PSCA: variants seen among roughly 807,000 people sequenced by gnomAD.
The protein encoded by PSCA is prostate stem cell antigen.
A neutral mutation model predicts 7.9 loss-of-function variants in PSCA; 7 were observed. The ratio of observed to expected loss-of-function variants is 0.89; its 90% CI spans 0.51 to 1.67. PSCA has a LOEUF of 1.67. PSCA is among the 40% of genes most tolerant of loss of function. The probability of loss-of-function intolerance (pLI) is 0.00; values close to 1 mark genes in which losing one functional copy is unlikely to be tolerated. For synonymous variants in PSCA, 61 were observed against 68.3 expected (o/e 0.89, Z 0.53); for missense variants, 151 against 147.9 (o/e 1.02, Z -0.11).
Position 142,673,352 on chromosome 8 carries a change from C to A in PSCA, n.261+2784C>A, listed in dbSNP as rs1847357482. 6.6e-6 allele frequency among the ~76,000 whole-genome samples: 1 copy of A among 152,146 alleles called. No homozygotes were observed. Among genetic ancestry groups the A allele is most frequent in the Non-Finnish European group, 1.5e-5 (1 of 68,040 alleles). ...GGGCCTCATCCCAAGATGCATGGGG[C>A]TCCTCCAGGTGCTCCTACCATTACT... On this transcript the variant is annotated intron_variant and non_coding_transcript_variant, in intron 1 of 1. Transcript: ENST00000505305. The surrounding 1 kb of genome is among the most constrained non-coding windows in gnomAD (Gnocchi z 4.6).
chr8:142,678,170 T>G (rs1847420052), upstream of PSCA, among the ~76,000 whole-genome samples: 1 of 152,090 alleles, frequency 6.6e-6, no homozygotes, highest in Admixed American at 6.5e-5. Context: ...TCCCCGAGAC[T>G]TTTCCTGACT....
upstream of PSCA, among the ~76,000 whole-genome samples, chr8:142,677,612 GC>G (rs1179364058): frequency 2.0e-5 from 3 of 152,292 alleles, no homozygotes; most frequent in Admixed American, 6.5e-5. Flanking sequence ...GCGAGCTGGG[GC>G]GGGGGGCGGA....
chr8:142,682,372 A>G lies in PSCA; in HGVS notation c.*240A>G, dbSNP rs1226312068. 5.7e-6 allele frequency: 4 copies of G among 698,420 alleles called. No homozygotes were observed. Among genetic ancestry groups the G allele is most frequent in the Admixed American group, 2.0e-5 (1 of 49,774 alleles). The allele number at this position is 698,420 out of a possible 1,614,324, so 43.3% of individuals were successfully genotyped here. A position where few individuals can be genotyped will look rare whatever the true frequency, so the allele number is the denominator to read the frequency against. Reference sequence around the variant, plus strand: ...GATCCGCCTGCAGATGGCCCCTCCAACCCTCTCTGCTGCTGTTTCCATGGC... The same window carrying G: ...GATCCGCCTGCAGATGGCCCCTCCAGCCCTCTCTGCTGCTGTTTCCATGGC... On this transcript the variant is annotated 3_prime_UTR_variant, in exon 3 of 3. Transcript: ENST00000301258.
chr8:142,672,368 C>T (rs1265434332), intron 1 of PSCA, among the ~76,000 whole-genome samples: 1 of 152,190 alleles, frequency 6.6e-6, no homozygotes, highest in Non-Finnish European at 1.5e-5. Context: ...TCAAAAACCG[C>T]CCAAAACTTA....
At chr8:142,676,882 C>G (rs1366895336), upstream of PSCA, among the ~76,000 whole-genome samples, 1 of 152,230 alleles carries the variant, frequency 6.6e-6, no homozygotes, top group Non-Finnish European at 1.5e-5. Context: ...GAAGCCATGC[C>G]CCTTGTGGCA....
chr8:142,674,912 G>C (rs988466765), intron 1 of PSCA, among the ~76,000 whole-genome samples: 5 of 152,216 alleles, frequency 3.3e-5, no homozygotes, highest in African/African-American at 1.2e-4. Context: ...TCAGGTCCTC[G>C]CTGGGCCACA....
chr8:142,681,608 C>T, intron 2 of PSCA, 174 bp downstream of exon 2: 1 of 651,844 alleles, frequency 1.5e-6, no homozygotes, highest in African/African-American at 1.8e-5. Context: ...CCTCCTCCAT[C>T]TGCCACTCCT....
rs149409958 is a variant in PSCA, at chr8:142,673,831, G to A, written n.261+3263G>A. Among the ~76,000 whole-genome samples the A allele has an allele frequency of 1.3e-5, 2 of 152,358 alleles. No homozygotes were observed. The highest frequency in any genetic ancestry group is 2.9e-5 in the Non-Finnish European group (2 of 68,038). The stretch of plus-strand genomic sequence containing the variant: ...ACGACATCTCACAAGGCCAATCTTA[G>A]GATCACAATAGTGATGTTACTTGCA... On this transcript the variant is annotated intron_variant and non_coding_transcript_variant, in intron 1 of 1. Transcript: ENST00000505305. This position sits in a 1 kb window ranked among gnomAD's most constrained non-coding sequence, Gnocchi z 4.6.
chr8:142,681,849 G>C (rs1317492312), intron 2 of PSCA, 72 bp from the exon 3 acceptor site: 44 of 1,125,504 alleles, frequency 3.9e-5, no homozygotes, highest in Middle Eastern at 2.1e-4. Context: ...GGTGGGACAG[G>C]AGGAGGCCTG....
In PSCA at chr8:142,682,333, G is replaced by A. The variant is rs1554638540; in HGVS notation, c.*201G>A. 4.1e-6 allele frequency: 3 copies of A among 725,518 alleles called. No individual in the cohort carries two copies. The Admixed American group carries it at 6.0e-5, about 15-fold the overall frequency. 44.9% of individuals were successfully genotyped at this position (725,518 alleles called of 1,614,324 possible). Reference sequence around the variant, plus strand: ...TCCAGGACTCCCACCCGGCAGATCGGCTCTATTGACACAGATCCGCCTGCA... The same window carrying A: ...TCCAGGACTCCCACCCGGCAGATCGACTCTATTGACACAGATCCGCCTGCA... On this transcript the variant is annotated 3_prime_UTR_variant, in exon 3 of 3. Transcript: ENST00000301258.
intron 2 of PSCA, 141 bp downstream of exon 2, chr8:142,681,575 C>T: frequency 1.4e-6 from 1 of 719,776 alleles, no homozygotes; most frequent in East Asian, 2.7e-5. Context: ...CAACAATCAC[C>T]CAGCATCTGT....
intron 1 of PSCA, among the ~76,000 whole-genome samples, chr8:142,674,447 A>G (rs1847373434): frequency 2.0e-5 from 3 of 151,504 alleles, no homozygotes; most frequent in African/African-American, 7.3e-5. Context: ...TAACCTCAGC[A>G]GAGCGCAGAT....
At chr8:142,670,972 C>T (rs1320965209) in intron 1 of PSCA, among the ~76,000 whole-genome samples, 2 of 152,178 alleles carry the variant, frequency 1.3e-5, no homozygotes, top group South Asian at 2.1e-4. Flanking sequence ...TTCCCGTATA[C>T]GTTAAGTCAC....
intron 1 of PSCA, chr8:142,680,837 G>A (rs188975632): frequency 3.5e-4 from 201 of 574,280 alleles, no homozygotes; most frequent in African/African-American, 3.4e-3. Flanking sequence ...CTCCTAGGGG[G>A]CAGGTAGACA....
At chr8:142,679,594 A>C (rs1376756455), upstream of PSCA, among the ~76,000 whole-genome samples, 2 of 152,210 alleles carry the variant, frequency 1.3e-5, no homozygotes, top group Non-Finnish European at 2.9e-5. Context: ...TATATTGAAG[A>C]TATACATTGG....
In PSCA at chr8:142,680,730, G is replaced by A. The variant is rs143823401; in HGVS notation, c.25+167G>A. On this transcript the variant is annotated intron_variant, in intron 1 of 2. Coordinates refer to ENST00000301258, the MANE Select transcript of PSCA (RefSeq NM_005672.5). Reference sequence around the variant, plus strand: ...GCTCCTCCAGGGAAGCTCTTGGCACGACCAGGCAGCGACCTGTTCCCTGCC... The same window carrying A: ...GCTCCTCCAGGGAAGCTCTTGGCACAACCAGGCAGCGACCTGTTCCCTGCC... The A allele has an allele frequency of 3.7e-4, 336 of 914,770 alleles. No homozygotes were observed. The African/African-American group carries it at 5.0e-3, about 14-fold the overall frequency. The allele number at this position is 914,770 out of a possible 1,614,324, so 56.7% of individuals were successfully genotyped here. A position where few individuals can be genotyped will look rare whatever the true frequency, so the allele number is the denominator to read the frequency against.
At chr8:142,680,669 G>GGA (rs1393943241) in intron 1 of PSCA, 106 bp downstream of exon 1, 2 of 1,422,912 alleles carry the variant, frequency 1.4e-6, no homozygotes, top group East Asian at 5.0e-5. Context: ...AAGGAGGAAG[G>GGA]GAGAGGAAGG....
In PSCA at chr8:142,682,665, C is replaced by G. The variant is rs1369987980; in HGVS notation, c.*533C>G. The G allele has an allele frequency of 5.8e-6, 2 of 345,974 alleles. No homozygotes were observed. Among genetic ancestry groups the G allele is most frequent in the East Asian group, 7.5e-5 (1 of 13,320 alleles). 21.4% of individuals were successfully genotyped at this position (345,974 alleles called of 1,614,324 possible). A position where few individuals can be genotyped will look rare whatever the true frequency, so the allele number is the denominator to read the frequency against. On this transcript the variant is annotated 3_prime_UTR_variant, in exon 3 of 3. Transcript: ENST00000301258. ...GGGGCCAGGCCTCACATTCGTGGGG[C>G]TCCCTGAATGGCAGCCTCAGCACAG...
chr8:142,680,744 C>G, intron 1 of PSCA, 181 bp downstream of exon 1: 1 of 777,268 alleles, frequency 1.3e-6, no homozygotes, highest in Non-Finnish European at 2.1e-6. Flanking sequence ...AGGCAGCGAC[C>G]TGTTCCCTGC....
Sources: gnomAD v4.1 joint callset for allele counts (sites outside exome capture counted in the v4.1 genomes callset) on GRCh38, gnomAD v4.1.1 for gene constraint, Gnocchi (gnomAD v3.1) non-coding constraint, MANE v1.5 for transcripts, NCBI Gene and HGNC (gene_info 2026-07-23, HGNC 2026-07-21) for gene names.